The following ANKRD50 variants were observed in gnomAD, a reference collection of about 807,000 sequenced individuals.
ANKRD50 encodes the protein ankyrin repeat domain-containing protein 50.
A neutral mutation model predicts 112.0 loss-of-function variants in ANKRD50; 40 were observed. That is an observed-to-expected ratio of 0.36 (90% confidence interval 0.28 to 0.46). ANKRD50 has a LOEUF of 0.46. ANKRD50 is among the 20% of genes least tolerant of loss of function. The pLI is 1.00. For missense variants in ANKRD50, 1,487 were observed against 1,701.7 expected (o/e 0.87, Z 2.22); for synonymous variants, 613 against 619.1 (o/e 0.99, Z 0.15).
chr4:124,667,989 A>C (rs1193343343), intron 4 of ANKRD50, among the ~76,000 whole-genome samples: 1 of 147,722 alleles, frequency 6.8e-6, no homozygotes, highest in Non-Finnish European at 1.5e-5. Flanking sequence ...CAAAAAGGAA[A>C]GAGTATATAT....
At chr4:124,708,349 G>A (rs1353853763) in intron 2 of ANKRD50, among the ~76,000 whole-genome samples, 1 of 152,084 alleles carries the variant, frequency 6.6e-6, no homozygotes, top group Admixed American at 6.5e-5. Context: ...TGATACAACA[G>A]TTTTAACGCT....
At position 124,664,570 on chromosome 4, in the gene ANKRD50, T is replaced by A. The variant is rs1433722526; in HGVS notation, c.*2948A>T. 1 of 152,322 alleles carries A rather than the reference T, an allele frequency of 6.6e-6. No individual in the cohort carries two copies. The highest frequency in any genetic ancestry group is 1.5e-5 in the Non-Finnish European group (1 of 67,866). The allele number at this position is 152,322 out of a possible 1,614,324, so 9.4% of individuals were successfully genotyped here. On this transcript the variant is annotated 3_prime_UTR_variant, in exon 5 of 5. Transcript: ENST00000504087. The stretch of plus-strand genomic sequence containing the variant: ...ATCATACAAGGGATAAAATAAAACT[T>A]TTACAATGTGAAATTCAATGTACAT...
At chr4:124,688,545 C>A (rs559954821) in intron 2 of ANKRD50, among the ~76,000 whole-genome samples, 1 of 152,250 alleles carries the variant, frequency 6.6e-6, no homozygotes, top group Non-Finnish European at 1.5e-5. Context: ...TACTTGTTAA[C>A]GTTTCTTTGA....
chr4:124,706,475 C>T (rs1339648301), intron 2 of ANKRD50, among the ~76,000 whole-genome samples: 6 of 151,902 alleles, frequency 3.9e-5, no homozygotes, highest in East Asian at 3.9e-4. Flanking sequence ...TCATGTATCA[C>T]GTATTCTATC....
rs183823173 is a variant in ANKRD50 at position 124,676,752 on chromosome 4, C to A, written c.742+1924G>T. ...ATAATATACTTCAAAATAATTATTA[C>A]AATTTTAAAAAGCTGAAGAAAATAG... On this transcript the variant is annotated intron_variant, in intron 3 of 4. Transcript: ENST00000504087. Among the ~76,000 whole-genome samples the A allele has an allele frequency of 1.1e-4, 16 of 151,424 alleles. 1 individual carries two copies. The highest frequency in any genetic ancestry group is 2.9e-4 in the African/African-American group (12 of 41,424).
At chr4:124,685,886 A>C (rs554565330) in intron 2 of ANKRD50, among the ~76,000 whole-genome samples, 2 of 152,264 alleles carry the variant, frequency 1.3e-5, no homozygotes, top group Admixed American at 1.3e-4. Flanking sequence ...TTTTTTTAAA[A>C]AGTGACAGAT....
rs533470016 is a variant in ANKRD50, at chr4:124,664,966, A to G, written c.*2552T>C. On this transcript the variant is annotated 3_prime_UTR_variant, in exon 5 of 5. Transcript: ENST00000504087. ...ATATTTAGGGAATAGACACAGACGG[A>G]ATGTTATAAAAATGTTATAAGCACA... 1 of 152,074 alleles carries G rather than the reference A, an allele frequency of 6.6e-6. No individual in the cohort carries two copies. The highest frequency in any genetic ancestry group is 6.6e-5 in the Admixed American group (1 of 15,234). The allele number at this position is 152,074 out of a possible 1,614,324, so 9.4% of individuals were successfully genotyped here.
At chr4:124,709,237 G>A (rs1421563077) in intron 2 of ANKRD50, among the ~76,000 whole-genome samples, 2 of 142,188 alleles carry the variant, frequency 1.4e-5, no homozygotes, top group Admixed American at 1.4e-4. Context: ...ATGAGCAGAG[G>A]CATGATATGC....
chr4:124,667,309 ACAAAAT>A lies in ANKRD50; in HGVS notation c.*203_*208del, dbSNP rs1345096508. ...TTCCTGTGTAGTGAATACAAAGCACACAAAATGAAATTTTTTAAGCACAGAGGGTTA... is the reference window on the plus strand; with the variant it reads ...TTCCTGTGTAGTGAATACAAAGCACAGAAATTTTTTAAGCACAGAGGGTTA... On this transcript the variant is annotated 3_prime_UTR_variant, in exon 5 of 5. Coordinates refer to ENST00000504087, the MANE Select transcript of ANKRD50 (RefSeq NM_020337.3). The A allele has an allele frequency of 5.6e-4, 85 of 152,228 alleles. 1 individual carries two copies. The highest frequency in any genetic ancestry group is 3.9e-4 in the Admixed American group (6 of 15,278). The allele number at this position is 152,228 out of a possible 1,614,324, so 9.4% of individuals were successfully genotyped here.
Position 124,670,907 on chromosome 4 carries a change from A to G in ANKRD50, c.2370T>C (p.Ser790=), listed in dbSNP as rs1730630899. 6.2e-7 allele frequency: 1 copy of G among 1,613,876 alleles called. No homozygotes were observed. ...TATTTACAACTGATGCATGACCCAT[A>G]GACGCTGCTGCTAAGAGGGGTGTAC... ...NGRTPLLAAA[S]MGHASVVNTL... is the part of the protein sequence containing the mutation. Residue 790 remains serine, a synonymous_variant, in exon 4 of 5, where the codon TCT becomes TCC. Transcript: ENST00000504087.
chr4:124,701,199 G>A (rs966998844), intron 2 of ANKRD50, among the ~76,000 whole-genome samples: 1 of 152,134 alleles, frequency 6.6e-6, no homozygotes, highest in Non-Finnish European at 1.5e-5. Context: ...CTGACCTCAG[G>A]TGATCTGCCC....
chr4:124,706,796 TA>T lies in ANKRD50; in HGVS notation c.512+3203del, dbSNP rs1193033548. On this transcript the variant is annotated intron_variant, in intron 2 of 4. Transcript: ENST00000504087. ...CCAAACATCATCGCTTAGCCTACCC[TA>T]CCTTAAGCATGCTCAGAATACTTAC... 2.0e-5 allele frequency among the ~76,000 whole-genome samples: 3 copies of T among 152,204 alleles called. 1 individual carries two copies. Among genetic ancestry groups the T allele is most frequent in the Admixed American group, 2.0e-4 (3 of 15,290 alleles).
intron 2 of ANKRD50, among the ~76,000 whole-genome samples, chr4:124,703,855 T>C (rs977733096): frequency 6.6e-6 from 1 of 152,146 alleles, no homozygotes; most frequent in African/African-American, 2.4e-5. Flanking sequence ...AACTTCAAAG[T>C]TCTAAGTATG....
rs574816496 is a variant in ANKRD50, at chr4:124,712,700, ACCG to A, written c.-1009_-1007del. 502 of 151,634 alleles carry A rather than the reference ACCG, an allele frequency of 3.3e-3. 4 individuals carry two copies. The highest frequency in any genetic ancestry group is 9.1e-3 in the African/African-American group (355 of 39,048). 9.4% of individuals were successfully genotyped at this position (151,634 alleles called of 1,614,324 possible). A position where few individuals can be genotyped will look rare whatever the true frequency, so the allele number is the denominator to read the frequency against. ...TGCTCGCCCCAGCCCCCACCGGCCA[ACCG>A]CCGCCGCCGCCGCCGTCAGGGCAGT... On this transcript the variant is annotated 5_prime_UTR_variant, in exon 1 of 5. Transcript: ENST00000504087.
chr4:124,689,062 T>C (rs1039619495), intron 2 of ANKRD50, among the ~76,000 whole-genome samples: 1 of 152,156 alleles, frequency 6.6e-6, no homozygotes, highest in African/African-American at 2.4e-5. Context: ...ATAACATCCA[T>C]GAAAGCCCTT....
chr4:124,710,895 T>C lies in ANKRD50; in HGVS notation c.-384A>G. The C allele has an allele frequency of 7.1e-6, 3 of 422,374 alleles. No individual in the cohort carries two copies. The highest frequency in any genetic ancestry group is 1.3e-5 in the Non-Finnish European group (3 of 238,368). The allele number at this position is 422,374 out of a possible 1,614,324, so 26.2% of individuals were successfully genotyped here. ...AGAAAAAACCCAATCTTTCAATTTG[T>C]ACAAAATGCTTCTCCAGATTCCAAG... On this transcript the variant is annotated 5_prime_UTR_variant, in exon 2 of 5. Coordinates refer to ENST00000504087, the MANE Select transcript of ANKRD50 (RefSeq NM_020337.3).
In ANKRD50 at chr4:124,665,009, A is replaced by C. The variant is rs1578565645; in HGVS notation, c.*2509T>G. ...TAAGCACATGCCATCATAGTTGTGT[A>C]GTGGCAACAGCTGATTTATAAAATT... is the stretch of plus-strand genomic sequence containing the variant. On this transcript the variant is annotated 3_prime_UTR_variant, in exon 5 of 5. Transcript: ENST00000504087. The C allele has an allele frequency of 6.6e-6, 1 of 152,110 alleles. No individual in the cohort carries two copies. The highest frequency in any genetic ancestry group is 1.9e-4 in the East Asian group (1 of 5,180). 9.4% of individuals were successfully genotyped at this position (152,110 alleles called of 1,614,324 possible).
intron 3 of ANKRD50, 82 bp downstream of exon 3, chr4:124,678,594 G>A (rs1724797100): frequency 4.7e-6 from 6 of 1,274,994 alleles, no homozygotes; most frequent in Non-Finnish European, 6.6e-6. Context: ...ACACGCAGAT[G>A]TTCAACTGCA....
chr4:124,680,193 T>A (rs897228692), intron 2 of ANKRD50, among the ~76,000 whole-genome samples: 7 of 152,128 alleles, frequency 4.6e-5, no homozygotes, highest in African/African-American at 1.7e-4. Flanking sequence ...CTTTTTAAAA[T>A]TTTTCTTTAA....
Sources: gnomAD v4.1 joint callset for allele counts (sites outside exome capture counted in the v4.1 genomes callset) on GRCh38, gnomAD v4.1.1 for gene constraint, MANE v1.5 for transcripts, NCBI Gene and HGNC (gene_info 2026-07-23, HGNC 2026-07-21) for gene names.